RIMKLA: variants seen among roughly 807,000 people sequenced by gnomAD.
RIMKLA encodes ribosomal modification protein rimK like family member A, also known as N-acetylaspartylglutamate synthase A.
In RIMKLA, 14 loss-of-function variants were observed where a neutral mutation model predicts 32.7. The ratio of observed to expected loss-of-function variants is 0.43; its 90% CI spans 0.28 to 0.67. The LOEUF is 0.67. Ranked by LOEUF, RIMKLA falls within the 30% of genes least tolerant of loss-of-function variation. The probability of loss-of-function intolerance (pLI) is 0.18; values close to 1 mark genes in which losing one functional copy is unlikely to be tolerated. For missense variants in RIMKLA, 410 were observed against 519.0 expected, an observed-to-expected ratio of 0.79 and a Z score of 2.04; for synonymous variants, 176 against 204.1, an observed-to-expected ratio of 0.86 and a Z score of 1.18.
At chr1:42,404,932 G>A (rs1426772306) in intron 3 of RIMKLA, among the ~76,000 whole-genome samples, 2 of 152,036 alleles carry the variant, frequency 1.3e-5, no homozygotes, top group South Asian at 4.2e-4. Flanking sequence ...ACCCTGTGCC[G>A]CCTATTAGAC....
chr1:42,388,413 C>G (rs141372233), intron 1 of RIMKLA, among the ~76,000 whole-genome samples: 1 of 152,020 alleles, frequency 6.6e-6, no homozygotes, highest in Non-Finnish European at 1.5e-5. Context: ...CCACGTTGTT[C>G]AGGCTGGTCT....
chr1:42,409,716 T>C (rs1570328976), intron 3 of RIMKLA, among the ~76,000 whole-genome samples: 1 of 152,232 alleles, frequency 6.6e-6, no homozygotes, highest in Non-Finnish European at 1.5e-5. Flanking sequence ...CTATTTTGGC[T>C]CTTTCTCTGT....
rs1642881121 is a variant in RIMKLA at position 42,380,923 on chromosome 1, G to T, written c.-12G>T. The T allele has an allele frequency of 5.7e-6, 8 of 1,392,400 alleles. 1 individual carries two copies. In the South Asian group the frequency reaches 7.8e-5, roughly 14 times the overall value. 86.3% of individuals were successfully genotyped at this position (1,392,400 alleles called of 1,614,324 possible). A position where few individuals can be genotyped will look rare whatever the true frequency, so the allele number is the denominator to read the frequency against. On this transcript the variant is annotated 5_prime_UTR_variant, in exon 1 of 5. Coordinates refer to ENST00000431473, the MANE Select transcript of RIMKLA (RefSeq NM_173642.4). ...GGGTCCGCGCCGCGCGGGGCGCACC[G>T]CCCTGGCCGCCATGTGCTCCCAGCT...
chr1:42,411,141 A>G (rs1570329961), intron 4 of RIMKLA, among the ~76,000 whole-genome samples: 1 of 152,112 alleles, frequency 6.6e-6, no homozygotes, highest in Non-Finnish European at 1.5e-5. Context: ...ACCAGCCTGG[A>G]CAATAAAGTG....
At chr1:42,385,193 G>A (rs901953888) in intron 1 of RIMKLA, among the ~76,000 whole-genome samples, 23 of 152,182 alleles carry the variant, frequency 1.5e-4, no homozygotes, top group African/African-American at 5.3e-4. Flanking sequence ...TGAATGAAAT[G>A]TCTTAAAAGC....
intron 2 of RIMKLA, among the ~76,000 whole-genome samples, chr1:42,402,048 T>A (rs1643101635): frequency 6.6e-6 from 1 of 152,146 alleles, no homozygotes; most frequent in South Asian, 2.1e-4. Flanking sequence ...AGCTGGGAGT[T>A]CCCTTCTTAC....
chr1:42,407,942 T>C (rs1169346539), intron 3 of RIMKLA, among the ~76,000 whole-genome samples: 1 of 152,134 alleles, frequency 6.6e-6, no homozygotes, highest in African/African-American at 2.4e-5. Flanking sequence ...CTGACCCCCA[T>C]ATTAGAACTT....
chr1:42,409,422 C>T (rs1463008491), intron 3 of RIMKLA, among the ~76,000 whole-genome samples: 1 of 152,172 alleles, frequency 6.6e-6, no homozygotes, highest in Non-Finnish European at 1.5e-5. Flanking sequence ...CTCCTTTGAG[C>T]TCCCACAGAA....
At chr1:42,411,776 C>G (rs887207655) in intron 4 of RIMKLA, among the ~76,000 whole-genome samples, 1 of 152,034 alleles carries the variant, frequency 6.6e-6, no homozygotes, top group Non-Finnish European at 1.5e-5. Context: ...CCGGTTCACA[C>G]CATTCTGCCT....
At chr1:42,405,743 T>C (rs1643138691) in intron 3 of RIMKLA, among the ~76,000 whole-genome samples, 1 of 152,164 alleles carries the variant, frequency 6.6e-6, no homozygotes, top group African/African-American at 2.4e-5. Flanking sequence ...TGATCATCAC[T>C]GATATAGCAA....
At chr1:42,394,971 T>G (rs932380434) in intron 1 of RIMKLA, among the ~76,000 whole-genome samples, 1 of 152,162 alleles carries the variant, frequency 6.6e-6, no homozygotes, top group African/African-American at 2.4e-5. Flanking sequence ...ACTCCTGACC[T>G]CAGGTGATCC....
chr1:42,404,365 G>T, intron 2 of RIMKLA, 146 bp from the exon 3 acceptor site: 1 of 640,136 alleles, frequency 1.6e-6, no homozygotes, highest in Non-Finnish European at 2.8e-6. Context: ...GGTATATAAT[G>T]TGTGTCTGTT....
chr1:42,397,654 G>A (rs1643059852), intron 1 of RIMKLA, among the ~76,000 whole-genome samples: 1 of 152,104 alleles, frequency 6.6e-6, no homozygotes, highest in Non-Finnish European at 1.5e-5. Context: ...GAGCCTAGGA[G>A]TTAGAGGTTG....
chr1:42,411,142 C>T (rs1357663670), intron 4 of RIMKLA, among the ~76,000 whole-genome samples: 1 of 152,056 alleles, frequency 6.6e-6, no homozygotes, highest in East Asian at 1.9e-4. Context: ...CCAGCCTGGA[C>T]AATAAAGTGA....
In RIMKLA at chr1:42,381,103, C is replaced by T; in HGVS notation, c.163+6C>T. 8.0e-7 allele frequency: 1 copy of T among 1,246,490 alleles called. No individual in the cohort carries two copies. The highest frequency in any genetic ancestry group is 1.0e-6 in the Non-Finnish European group (1 of 992,564). 77.2% of individuals were successfully genotyped at this position (1,246,490 alleles called of 1,614,324 possible). ...CATCGTCGGCGGCCACCTCGGTGAGCGAGGCGGGCCCGGGGAGGGCAGGGA... is the reference window on the plus strand; with the variant it reads ...CATCGTCGGCGGCCACCTCGGTGAGTGAGGCGGGCCCGGGGAGGGCAGGGA... On this transcript the variant is annotated splice_donor_region_variant and intron_variant, in intron 1 of 4. Coordinates refer to ENST00000431473, the MANE Select transcript of RIMKLA (RefSeq NM_173642.4).
intron 1 of RIMKLA, among the ~76,000 whole-genome samples, chr1:42,398,043 A>G (rs1481707721): frequency 3.3e-5 from 5 of 152,124 alleles, no homozygotes; most frequent in Non-Finnish European, 7.4e-5. Flanking sequence ...GGGAGTGGAA[A>G]AGTATCCATT....
intron 1 of RIMKLA, among the ~76,000 whole-genome samples, chr1:42,381,538 G>A (rs1168589041): frequency 2.0e-5 from 3 of 152,174 alleles, no homozygotes; most frequent in African/African-American, 4.8e-5. Context: ...GAGTGTGTGA[G>A]CATCAGTAAT....
At chr1:42,394,465 C>A (rs530522661) in intron 1 of RIMKLA, among the ~76,000 whole-genome samples, 2 of 152,236 alleles carry the variant, frequency 1.3e-5, no homozygotes, top group East Asian at 1.9e-4. Flanking sequence ...TTATAAGACA[C>A]CTTTACTTTA....
At chr1:42,404,145 T>C (rs1479604126) in intron 2 of RIMKLA, among the ~76,000 whole-genome samples, 1 of 152,180 alleles carries the variant, frequency 6.6e-6, no homozygotes, top group African/African-American at 2.4e-5. Context: ...AACATATTCA[T>C]TGGTCCCTTC....
Sources: gnomAD v4.1 joint callset for allele counts (sites outside exome capture counted in the v4.1 genomes callset) on GRCh38, gnomAD v4.1.1 for gene constraint, MANE v1.5 for transcripts, NCBI Gene and HGNC (gene_info 2026-07-23, HGNC 2026-07-21) for gene names.